Variants in FARS2 observed in about 807,000 individuals in gnomAD.
FARS2 encodes the protein phenylalanyl-tRNA synthetase 2, mitochondrial, also known as phenylalanine--tRNA ligase, mitochondrial.
Under a neutral mutation model 46.4 loss-of-function variants are expected in FARS2, and 40 were observed. The ratio of observed to expected loss-of-function variants is 0.86; its 90% CI spans 0.67 to 1.12. FARS2 has a LOEUF of 1.12. Ranked by LOEUF, FARS2 falls within the 50% of genes most tolerant of loss-of-function variation. The probability of loss-of-function intolerance (pLI) is 0.00; values close to 1 mark genes in which losing one functional copy is unlikely to be tolerated. For synonymous variants in FARS2, 234 were observed against 214.9 expected (o/e 1.09, Z -0.78); for missense variants, 513 against 567.9 (o/e 0.90, Z 0.98).
intron 6 of FARS2, among the ~76,000 whole-genome samples, chr6:5,739,962 A>G (rs1761227257): frequency 1.3e-5 from 2 of 152,334 alleles, no homozygotes; most frequent in South Asian, 2.1e-4. Flanking sequence ...TGCTGACCCA[A>G]TTATACAGAC....
At chr6:5,347,305 C>T (rs1757302698) in intron 1 of FARS2, among the ~76,000 whole-genome samples, 1 of 152,198 alleles carries the variant, frequency 6.6e-6, no homozygotes, top group East Asian at 1.9e-4. Context: ...AAAGTCCCCT[C>T]ATGCCCCTTT....
intron 6 of FARS2, among the ~76,000 whole-genome samples, chr6:5,770,405 TGC>T (rs1218336766): frequency 1.4e-4 from 14 of 96,578 alleles, no homozygotes; most frequent in Admixed American, 9.0e-4. Context: ...TTGTTGTTGC[TGC>T]TGCTGCTGCT....
chr6:5,498,379 G>A (rs566654959), intron 4 of FARS2, among the ~76,000 whole-genome samples: 8 of 152,236 alleles, frequency 5.3e-5, no homozygotes, highest in African/African-American at 1.7e-4. Context: ...GAGCATCAGC[G>A]GGGAAAGGAA....
chr6:5,562,385 C>T (rs774079073), intron 5 of FARS2, among the ~76,000 whole-genome samples: 1 of 152,120 alleles, frequency 6.6e-6, no homozygotes, highest in Non-Finnish European at 1.5e-5. Context: ...AATACCTGAT[C>T]AAGAGTATTG....
chr6:5,298,648 G>C (rs1768066081), intron 1 of FARS2, among the ~76,000 whole-genome samples: 2 of 152,222 alleles, frequency 1.3e-5, no homozygotes, highest in Admixed American at 1.3e-4. Flanking sequence ...TGTGGGCCTT[G>C]GTCAGTGGGA....
chr6:5,637,225 G>A (rs1304907998), intron 6 of FARS2, among the ~76,000 whole-genome samples: 1 of 152,354 alleles, frequency 6.6e-6, no homozygotes, highest in East Asian at 1.9e-4. Context: ...TCCTGGTGAG[G>A]AGGCCTTAGA....
At chr6:5,488,195 A>G (rs1766892619) in intron 4 of FARS2, among the ~76,000 whole-genome samples, 1 of 152,078 alleles carries the variant, frequency 6.6e-6, no homozygotes, top group African/African-American at 2.4e-5. Flanking sequence ...CTTGATCCCA[A>G]CTTTCCCCTA....
chr6:5,767,040 A>G (rs1762788469), intron 6 of FARS2, among the ~76,000 whole-genome samples: 1 of 151,626 alleles, frequency 6.6e-6, no homozygotes, highest in Non-Finnish European at 1.5e-5. Flanking sequence ...GATATACCAC[A>G]TTTTGTTAAT....
chr6:5,272,168 A>G (rs146349524), intron 1 of FARS2, among the ~76,000 whole-genome samples: 1 of 152,292 alleles, frequency 6.6e-6, no homozygotes, highest in East Asian at 1.9e-4. Flanking sequence ...TTGCCTTCTC[A>G]GTTACCACAA....
chr6:5,312,343 A>G (rs1769135404), intron 1 of FARS2, among the ~76,000 whole-genome samples: 6 of 152,184 alleles, frequency 3.9e-5, no homozygotes. Context: ...GTGTTTCAGA[A>G]GGCCTTTTTT....
At chr6:5,446,814 C>G (rs1041831249) in intron 4 of FARS2, among the ~76,000 whole-genome samples, 2 of 152,118 alleles carry the variant, frequency 1.3e-5, no homozygotes, top group African/African-American at 4.8e-5. Flanking sequence ...TGAATTAACA[C>G]AGCCATCATC....
chr6:5,289,430 G>A (rs1767351914), intron 1 of FARS2, among the ~76,000 whole-genome samples: 1 of 152,226 alleles, frequency 6.6e-6, no homozygotes, highest in Non-Finnish European at 1.5e-5. Context: ...AAAGGGGCAT[G>A]AGCAAGTGGC....
At chr6:5,755,298 T>C (rs188131984) in intron 6 of FARS2, among the ~76,000 whole-genome samples, 6 of 152,338 alleles carry the variant, frequency 3.9e-5, no homozygotes, top group African/African-American at 1.4e-4. Flanking sequence ...CATCAACCCG[T>C]CATCTACATT....
intron 6 of FARS2, among the ~76,000 whole-genome samples, chr6:5,633,262 C>CTTTTTTTTTTTT (rs59797062): frequency 2.0e-5 from 1 of 50,048 alleles, no homozygotes; most frequent in Non-Finnish European, 3.7e-5. Context: ...CCATCCCTGG[C>CTTTTTTTTTTTT]TTTTTTTTTT....
intron 5 of FARS2, among the ~76,000 whole-genome samples, chr6:5,594,903 C>G (rs979776539): frequency 3.3e-5 from 5 of 152,326 alleles, no homozygotes; most frequent in African/African-American, 1.2e-4. Context: ...TGTTGCTGAG[C>G]CCCTGACAGG....
intron 4 of FARS2, among the ~76,000 whole-genome samples, chr6:5,483,428 C>T (rs1173437324): frequency 6.6e-6 from 1 of 152,094 alleles, no homozygotes; most frequent in African/African-American, 2.4e-5. Flanking sequence ...GCTATAATCC[C>T]AGGCCAAGGC....
chr6:5,621,749 A>G (rs1186151000), intron 6 of FARS2, among the ~76,000 whole-genome samples: 3 of 152,196 alleles, frequency 2.0e-5, no homozygotes, highest in Non-Finnish European at 4.4e-5. Context: ...GCCAGGATAG[A>G]CCCACTCATG....
intron 5 of FARS2, among the ~76,000 whole-genome samples, chr6:5,556,736 TAC>T (rs1470476222): frequency 2.6e-5 from 4 of 152,118 alleles, no homozygotes; most frequent in Non-Finnish European, 4.4e-5. Context: ...AGCATTTTCT[TAC>T]AGTTTTCTTG....
chr6:5,751,595 A>G (rs1405455693), intron 6 of FARS2, among the ~76,000 whole-genome samples: 1 of 152,112 alleles, frequency 6.6e-6, no homozygotes, highest in East Asian at 1.9e-4. Flanking sequence ...AGGCTTTTGG[A>G]GTAAATGCTT....
Sources: allele counts gnomAD v4.1 joint callset (sites outside exome capture counted in the v4.1 genomes callset), GRCh38; gene constraint gnomAD v4.1.1; transcripts MANE v1.5; gene names NCBI Gene and HGNC (gene_info 2026-07-23, HGNC 2026-07-21).